XNDC1N: variants seen among roughly 807,000 people sequenced by gnomAD.
XNDC1N encodes protein XNDC1N.
chr11:71,877,697 G>A, the XNDC1N span, among the ~76,000 whole-genome samples: 12 of 152,200 alleles, frequency 7.9e-5, 1 homozygote, highest in Admixed American at 4.6e-4. Context: ...CATTCCCTAC[G>A]GCACCCAAAG....
the XNDC1N span, among the ~76,000 whole-genome samples, chr11:71,918,209 C>G: frequency 6.6e-6 from 1 of 152,190 alleles, no homozygotes; most frequent in African/African-American, 2.4e-5. Flanking sequence ...CTTGGATTAT[C>G]CTCGCACAGT....
the XNDC1N span, chr11:71,903,650 C>CT: frequency 9.3e-4 from 323 of 347,062 alleles, no homozygotes; most frequent in East Asian, 3.3e-3. Context: ...TTTTTTTTTT[C>CT]TTTTTTTTTT....
the XNDC1N span, among the ~76,000 whole-genome samples, chr11:71,915,108 G>C: frequency 6.6e-6 from 1 of 152,104 alleles, no homozygotes; most frequent in Non-Finnish European, 1.5e-5. Context: ...ACCCTGATCT[G>C]TCAGCAGCTA....
the XNDC1N span, among the ~76,000 whole-genome samples, chr11:71,908,660 C>T: frequency 4.6e-3 from 698 of 152,194 alleles, 3 homozygotes; most frequent in African/African-American, 0.016. Context: ...AATACAACGC[C>T]CCATACCGAA....
chr11:71,897,829 A>G, the XNDC1N span, among the ~76,000 whole-genome samples: 11 of 152,252 alleles, frequency 7.2e-5, no homozygotes, highest in Non-Finnish European at 1.2e-4. Flanking sequence ...TCGTGGACAG[A>G]TGAATGAAAA....
chr11:71,887,275 T>C, the XNDC1N span, among the ~76,000 whole-genome samples: 44 of 152,194 alleles, frequency 2.9e-4, no homozygotes, highest in African/African-American at 9.1e-4. Flanking sequence ...CTGCTTGCCT[T>C]GCACTTGTAC....
At chr11:71,867,965 A>G in the XNDC1N span, among the ~76,000 whole-genome samples, 1 of 152,160 alleles carries the variant, frequency 6.6e-6, no homozygotes, top group Non-Finnish European at 1.5e-5. Flanking sequence ...GAATTTGCGC[A>G]CACTTGTCTT....
chr11:71,873,996 G>A, the XNDC1N span, among the ~76,000 whole-genome samples: 28,585 of 152,020 alleles, frequency 0.19, 4,910 homozygotes, highest in African/African-American at 0.45. Flanking sequence ...GCAATGACAG[G>A]GGAAGTGAAC....
chr11:71,914,427 C>A, the XNDC1N span: 1 of 454,758 alleles, frequency 2.2e-6, no homozygotes, highest in Non-Finnish European at 4.4e-6. Context: ...TGGCTCATGC[C>A]TGTAATCCCA....
chr11:71,914,002 T>C, the XNDC1N span, among the ~76,000 whole-genome samples: 1 of 152,210 alleles, frequency 6.6e-6, no homozygotes, highest in African/African-American at 2.4e-5. Context: ...TTTCAAAACA[T>C]TTATGCTCAC....
the XNDC1N span, among the ~76,000 whole-genome samples, chr11:71,894,835 T>C: frequency 1.3e-5 from 2 of 152,254 alleles, no homozygotes; most frequent in Non-Finnish European, 2.9e-5. Flanking sequence ...GTGGTTTCAC[T>C]ATACATAATT....
At chr11:71,881,636 TA>T in the XNDC1N span, among the ~76,000 whole-genome samples, 1,071 of 145,426 alleles carry the variant, frequency 7.4e-3, 6 homozygotes, top group African/African-American at 0.018. Flanking sequence ...TATCAGTCCT[TA>T]AAAAAAAAAA....
the XNDC1N span, among the ~76,000 whole-genome samples, chr11:71,872,035 T>C: frequency 2.0e-5 from 3 of 152,222 alleles, no homozygotes; most frequent in East Asian, 1.9e-4. Flanking sequence ...TATTAGTATA[T>C]GGATAAACAA....
At chr11:71,924,389 A>T in the XNDC1N span, among the ~76,000 whole-genome samples, 1 of 151,982 alleles carries the variant, frequency 6.6e-6, no homozygotes, top group Non-Finnish European at 1.5e-5. Flanking sequence ...TAAAAAAAAA[A>T]AGTTCTGGAC....
At chr11:71,876,756 T>A in the XNDC1N span, among the ~76,000 whole-genome samples, 11 of 152,260 alleles carry the variant, frequency 7.2e-5, no homozygotes, top group Non-Finnish European at 1.2e-4. Context: ...GTGTAAACTG[T>A]ACTTCCAAAG....
At chr11:71,870,662 T>C in the XNDC1N span, among the ~76,000 whole-genome samples, 2 of 152,298 alleles carry the variant, frequency 1.3e-5, no homozygotes, top group South Asian at 4.1e-4. Context: ...ACAAAATTTA[T>C]AAGGATCTCA....
chr11:71,927,659 G>A, the XNDC1N span: 1 of 152,184 alleles, frequency 6.6e-6, no homozygotes, highest in Non-Finnish European at 1.5e-5. Context: ...TGCTTCTGGA[G>A]AGGATGAGAG....
the XNDC1N span, among the ~76,000 whole-genome samples, chr11:71,912,923 G>T: frequency 6.6e-6 from 1 of 152,108 alleles, no homozygotes; most frequent in African/African-American, 2.4e-5. Context: ...CTTGCATATT[G>T]GGAACAACAT....
the XNDC1N span, chr11:71,918,983 G>A: frequency 1.4e-6 from 1 of 702,786 alleles, no homozygotes; most frequent in Admixed American, 2.0e-5. Flanking sequence ...AGGTCTCCTT[G>A]GACTATCTGG....
Sources: allele counts gnomAD v4.1 joint callset (sites outside exome capture counted in the v4.1 genomes callset), GRCh38; gene constraint gnomAD v4.1.1; transcripts MANE v1.5; gene names NCBI Gene and HGNC (gene_info 2026-07-23, HGNC 2026-07-21).